The following NUBPL variants were observed in gnomAD, a reference collection of about 807,000 sequenced individuals.
NUBPL encodes iron-sulfur cluster transfer protein NUBPL.
In NUBPL, 31 loss-of-function variants were observed where a neutral mutation model predicts 45.7. The ratio of observed to expected loss-of-function variants is 0.68; its 90% CI spans 0.51 to 0.92. NUBPL has a LOEUF of 0.92. Among genes scored for constraint, NUBPL ranks in the 40% least tolerant of loss-of-function variants. The pLI is 0.00. For synonymous variants in NUBPL, 144 were observed against 140.9 expected, an observed-to-expected ratio of 1.02 and a Z score of -0.15; for missense variants, 401 against 398.7, an observed-to-expected ratio of 1.01 and a Z score of -0.05.
At chr14:31,635,426 T>C (rs1289821073) in intron 4 of NUBPL, among the ~76,000 whole-genome samples, 1 of 152,000 alleles carries the variant, frequency 6.6e-6, no homozygotes, top group African/African-American at 2.4e-5. Flanking sequence ...TTCTGAGGGC[T>C]CTGTTCTGTT....
intron 7 of NUBPL, among the ~76,000 whole-genome samples, chr14:31,806,182 T>G (rs1374943922): frequency 6.6e-6 from 1 of 152,234 alleles, no homozygotes; most frequent in Non-Finnish European, 1.5e-5. Context: ...ATGACAGTAT[T>G]TGGAAATAGA....
chr14:31,763,693 G>C (rs1043728810), intron 6 of NUBPL, among the ~76,000 whole-genome samples: 2 of 152,128 alleles, frequency 1.3e-5, no homozygotes, highest in African/African-American at 4.8e-5. Flanking sequence ...AGCTTGGTCA[G>C]AACTTTAATT....
At position 31,571,843 on chromosome 14, in the gene NUBPL, A is replaced by G. The variant is rs532545007; in HGVS notation, c.291+6795A>G. On this transcript the variant is annotated intron_variant, in intron 3 of 10. Transcript: ENST00000281081. ...CATTCTGATAAGTTTTATAATAGGA[A>G]ATAACTAACTTTCATGGAGCATTCA... Among the ~76,000 whole-genome samples, 326 of 152,320 alleles carry G rather than the reference A, an allele frequency of 2.1e-3. 1 individual carries two copies. The highest frequency in any genetic ancestry group is 0.01 in the Middle Eastern group (3 of 294).
At chr14:31,688,673 T>TA (rs2037022061) in intron 6 of NUBPL, among the ~76,000 whole-genome samples, 1 of 148,804 alleles carries the variant, frequency 6.7e-6, no homozygotes, top group Non-Finnish European at 1.5e-5. Flanking sequence ...TTTTTTTTTT[T>TA]AACTTTTAGG....
At chr14:31,724,804 G>A (rs1394613414) in intron 6 of NUBPL, among the ~76,000 whole-genome samples, 1 of 152,118 alleles carries the variant, frequency 6.6e-6, no homozygotes, top group Non-Finnish European at 1.5e-5. Context: ...AAACCGTATA[G>A]TATAACATTG....
chr14:31,824,425 G>A (rs1484785152), intron 7 of NUBPL, among the ~76,000 whole-genome samples: 1 of 152,066 alleles, frequency 6.6e-6, no homozygotes, highest in Non-Finnish European at 1.5e-5. Flanking sequence ...TTAACTAGGT[G>A]TAAACACAAA....
At chr14:31,730,301 T>G (rs1364340934) in intron 6 of NUBPL, among the ~76,000 whole-genome samples, 1 of 151,972 alleles carries the variant, frequency 6.6e-6, no homozygotes, top group African/African-American at 2.4e-5. Flanking sequence ...GACTGAGGGG[T>G]GTAAGTCAAA....
chr14:31,566,648 T>C (rs1276162831), intron 3 of NUBPL, among the ~76,000 whole-genome samples: 1 of 152,104 alleles, frequency 6.6e-6, no homozygotes, highest in South Asian at 2.1e-4. Flanking sequence ...ATATGTTACT[T>C]TTCCTGCCAA....
intron 7 of NUBPL, among the ~76,000 whole-genome samples, chr14:31,790,423 T>G (rs1207692065): frequency 6.6e-6 from 1 of 152,050 alleles, no homozygotes; most frequent in Non-Finnish European, 1.5e-5. Context: ...GACATAGTCT[T>G]TTTTTTGTTG....
At chr14:31,570,475 G>A (rs898276201) in intron 3 of NUBPL, among the ~76,000 whole-genome samples, 4 of 152,126 alleles carry the variant, frequency 2.6e-5, no homozygotes, top group Non-Finnish European at 1.5e-5. Flanking sequence ...TTATTCCAGA[G>A]TAAAGCAGTA....
Position 31,670,679 on chromosome 14 carries a change from T to C in NUBPL, c.383-2676T>C, listed in dbSNP as rs140242625. Among the ~76,000 whole-genome samples, 630 of 152,306 alleles carry C rather than the reference T, an allele frequency of 4.1e-3. 4 individuals are homozygous for C. The highest frequency in any genetic ancestry group is 0.014 in the African/African-American group (602 of 41,580). On this transcript the variant is annotated intron_variant, in intron 4 of 10. Coordinates refer to ENST00000281081, the MANE Select transcript of NUBPL (RefSeq NM_025152.3). ...GTGTAAGAAAGGGGTCCAGCTTCAA[T>C]TTCTACTTATGACTAGCCAGTTATC...
At position 31,846,887 on chromosome 14, in the gene NUBPL, C is replaced by T. The variant is rs574632159; in HGVS notation, c.814+296C>T. 4.6e-5 allele frequency among the ~76,000 whole-genome samples: 7 copies of T among 151,616 alleles called. No homozygotes were observed. The South Asian group carries it at 6.3e-4, about 14-fold the overall frequency. The stretch of plus-strand genomic sequence containing the variant: ...AGGAGAATGGCATGAACCCTGGAGG[C>T]GGAGCTTGCAGTGAGCTGAGATAGC... On this transcript the variant is annotated intron_variant, in intron 9 of 10. Coordinates refer to ENST00000281081, the MANE Select transcript of NUBPL (RefSeq NM_025152.3).
At chr14:31,817,237 G>C (rs2039936408) in intron 7 of NUBPL, among the ~76,000 whole-genome samples, 2 of 152,102 alleles carry the variant, frequency 1.3e-5, no homozygotes, top group Non-Finnish European at 2.9e-5. Context: ...AAACCAAGTT[G>C]AAAAACACTC....
chr14:31,618,760 G>A (rs909575004), intron 4 of NUBPL, among the ~76,000 whole-genome samples: 1 of 152,158 alleles, frequency 6.6e-6, no homozygotes, highest in African/African-American at 2.4e-5. Flanking sequence ...TGTTGAGTTA[G>A]GGTGGAGAGT....
At chr14:31,619,748 T>C (rs944252414) in intron 4 of NUBPL, among the ~76,000 whole-genome samples, 1 of 152,168 alleles carries the variant, frequency 6.6e-6, no homozygotes, top group African/African-American at 2.4e-5. Context: ...TGGTGAATCC[T>C]ACGATTATGT....
intron 6 of NUBPL, among the ~76,000 whole-genome samples, chr14:31,708,611 C>T (rs1405950909): frequency 6.6e-6 from 1 of 152,216 alleles, no homozygotes; most frequent in African/African-American, 2.4e-5. Flanking sequence ...CAGGATTCCT[C>T]AGATGGTAAT....
intron 6 of NUBPL, among the ~76,000 whole-genome samples, chr14:31,729,275 T>TTCCC (rs1555332372): frequency 5.4e-5 from 3 of 55,586 alleles, no homozygotes; most frequent in Non-Finnish European, 1.2e-4. Flanking sequence ...AGATGCTCCA[T>TTCCC]CCCCCCCCCC....
intron 4 of NUBPL, among the ~76,000 whole-genome samples, chr14:31,639,948 A>G (rs947576102): frequency 3.3e-5 from 5 of 152,148 alleles, no homozygotes; most frequent in African/African-American, 7.2e-5. Flanking sequence ...AAAGCGCAGT[A>G]TTAGGGTGGG....
In NUBPL at chr14:31,562,082, G is replaced by A. The variant is rs749751015; in HGVS notation, c.123G>A (p.Gly41=). 1 of 1,603,566 alleles carries A rather than the reference G, an allele frequency of 6.2e-7. No homozygotes were observed. Among genetic ancestry groups the A allele is most frequent in the South Asian group, 1.1e-5 (1 of 89,880 alleles). The part of the protein sequence containing the change: ...MVCGRQLSGA[G]SETLKQRRTQ... The stretch of plus-strand genomic sequence containing the variant: ...ATTTTTTAAAGTTGTCTGGCGCCGG[G>A]AGTGAGACCCTAAAACAAAGAAGAA... Residue 41 remains glycine (G), a synonymous_variant, in exon 2 of 11, where the codon GGG becomes GGA. Transcript: ENST00000281081.
Sources: gnomAD v4.1 joint callset for allele counts (sites outside exome capture counted in the v4.1 genomes callset) on GRCh38, gnomAD v4.1.1 for gene constraint, MANE v1.5 for transcripts, NCBI Gene and HGNC (gene_info 2026-07-23, HGNC 2026-07-21) for gene names.